MYBPC3: variants seen among roughly 807,000 people sequenced by gnomAD.
The protein encoded by MYBPC3 is myosin binding protein C3.
Under a neutral mutation model 159.3 loss-of-function variants are expected in MYBPC3, and 108 were observed. The observed-to-expected ratio is 0.68, with a 90% CI of 0.58 to 0.80. The LOEUF (loss-of-function observed/expected upper bound fraction) is 0.80, where lower values mean the gene tolerates loss of function less well. MYBPC3 is among the 30% of genes least tolerant of loss of function. The pLI, the probability that MYBPC3 is intolerant of heterozygous loss-of-function variation, is 0.00. For synonymous variants in MYBPC3, 730 were observed against 702.0 expected (o/e 1.04, Z -0.63); for missense variants, 1,631 against 1,762.1 (o/e 0.93, Z 1.33).
At chr11:47,345,659 C>A (rs2095893382) in intron 12 of MYBPC3, among the ~76,000 whole-genome samples, 1 of 152,178 alleles carries the variant, frequency 6.6e-6, no homozygotes, top group South Asian at 2.1e-4. Flanking sequence ...TATTCCTGGG[C>A]TCTCCTCTTT....
chr11:47,345,433 C>T (rs1213334975), intron 12 of MYBPC3, among the ~76,000 whole-genome samples: 1 of 152,132 alleles, frequency 6.6e-6, no homozygotes, highest in Non-Finnish European at 1.5e-5. Context: ...TCTCCCCGTC[C>T]CCATGATCGT....
Position 47,341,244 on chromosome 11 carries a change from C to G in MYBPC3, c.1791G>C (p.Arg597=), listed in dbSNP as rs772488845. 1.9e-6 allele frequency: 3 copies of G among 1,578,134 alleles called. No individual in the cohort carries two copies. The highest frequency in any genetic ancestry group is 2.7e-5 in the African/African-American group (2 of 74,098). Residue 597 remains arginine (R), a splice_region_variant and synonymous_variant, in exon 19 of 35, where the codon CGG becomes CGC. Coordinates refer to ENST00000545968, the MANE Select transcript of MYBPC3 (RefSeq NM_000256.3). ...CGTCGTCAATGGTCAGTTTGTGGAC[C>G]CTGCAGGGGAGCAGTGGCTCAGGGG... ...DSRIKVSHIG[R]VHKLTIDDVT...
chr11:47,341,910 T>G, intron 18 of MYBPC3, 81 bp downstream of exon 18: 1 of 1,515,026 alleles, frequency 6.6e-7, no homozygotes, highest in Non-Finnish European at 8.9e-7. Flanking sequence ...TCTTTATCTC[T>G]CTCTCTCTGT....
chr11:47,339,247 CGCCAAG>C, intron 22 of MYBPC3, 71 bp downstream of exon 22: 1 of 1,529,812 alleles, frequency 6.5e-7, no homozygotes, highest in Non-Finnish European at 9.1e-7. Flanking sequence ...ATGGAGACCT[CGCCAAG>C]GGCTCGGCAC....
At chr11:47,337,285 C>G (rs1027574742) in intron 25 of MYBPC3, 106 bp downstream of exon 25, 100 of 1,221,368 alleles carry the variant, frequency 8.2e-5, no homozygotes, top group Non-Finnish European at 1.1e-4. Flanking sequence ...TGAAAGGAGA[C>G]TGTGGATGTG....
intron 12 of MYBPC3, among the ~76,000 whole-genome samples, chr11:47,345,499 G>A (rs1459971524): frequency 6.6e-6 from 1 of 152,176 alleles, no homozygotes; most frequent in Non-Finnish European, 1.5e-5. Context: ...CTGCATGGAA[G>A]CTGACCCCTC....
chr11:47,350,494 C>G lies in MYBPC3; in HGVS notation c.406+8G>C. ...GGATCCTGCCCCTCCCTGCCCAGCC[C>G]CTCTCACCTTTGGGACTTGGGGCAC... On this transcript the variant is annotated splice_region_variant and intron_variant, in intron 3 of 34. Coordinates refer to ENST00000545968, the MANE Select transcript of MYBPC3 (RefSeq NM_000256.3). The G allele has an allele frequency of 6.4e-7, 1 of 1,554,200 alleles. No individual in the cohort carries two copies. Among genetic ancestry groups the G allele is most frequent in the South Asian group, 1.2e-5 (1 of 83,988 alleles).
At chr11:47,349,624 G>C in intron 5 of MYBPC3, 150 bp downstream of exon 5, 1 of 1,179,288 alleles carries the variant, frequency 8.5e-7, no homozygotes, top group African/African-American at 1.5e-5. Flanking sequence ...GTGGGCCCCT[G>C]GCCCCTCCAC....
At position 47,335,073 on chromosome 11, in the gene MYBPC3, G is replaced by A. The variant is rs2095880915; in HGVS notation, c.2874C>T (p.Thr958=). The A allele has an allele frequency of 3.1e-6, 5 of 1,591,978 alleles. No homozygotes were observed. The South Asian group carries it at 4.5e-5, about 14-fold the overall frequency. ...TCTCCTGCACTGTCACCGGCTCCGT[G>A]GTGGTAACAGGGGCTCCAGGCCCTG... is the stretch of plus-strand genomic sequence containing the variant. ...NMAGPGAPVT[T]TEPVTVQEIL... The change falls in exon 27 of 35, where the codon ACC becomes ACT. Residue 958 remains threonine (T), a synonymous_variant. Transcript: ENST00000545968.
rs199998651 is a variant in MYBPC3, at chr11:47,341,375, CT to C, written c.1791-132del. The C allele has an allele frequency of 4.0e-4, 250 of 623,892 alleles. 1 individual carries two copies. The highest frequency in any genetic ancestry group is 1.8e-3 in the South Asian group (73 of 41,242). The allele number at this position is 623,892 out of a possible 1,614,324, so 38.6% of individuals were successfully genotyped here. A position where few individuals can be genotyped will look rare whatever the true frequency, so the allele number is the denominator to read the frequency against. On this transcript the variant is annotated intron_variant, in intron 18 of 34. Transcript: ENST00000545968. ...TTGGTATTCTGATTTTTAAAAATGC[CT>C]TTTTTTTTCTATATTATCTAATTTT... is the stretch of plus-strand genomic sequence containing the variant.
At position 47,337,718 on chromosome 11, in the gene MYBPC3, A is replaced by G; in HGVS notation, c.2385T>C (p.Pro795=). 1.3e-6 allele frequency: 2 copies of G among 1,569,920 alleles called. No individual in the cohort carries two copies. Among genetic ancestry groups the G allele is most frequent in the Non-Finnish European group, 1.7e-6 (2 of 1,157,448 alleles). ...EDSCTVQWEP[P]AYDGGQPILG... is the part of the protein sequence containing the mutation. The stretch of plus-strand genomic sequence containing the variant: ...GGATGGGCTGCCCGCCATCGTAGGC[A>G]GGCGGCTCCCACTGTACTGTGCAGG... The change falls in exon 24 of 35, where the codon CCT becomes CCC. Residue 795 remains proline (P), a synonymous_variant. Transcript: ENST00000545968.
rs1371324097 is a variant in MYBPC3 at position 47,351,075 on chromosome 11, G to C, written c.292+164C>G. On this transcript the variant is annotated intron_variant, in intron 2 of 34. Coordinates refer to ENST00000545968, the MANE Select transcript of MYBPC3 (RefSeq NM_000256.3). The surrounding 1 kb of genome is among the most constrained non-coding windows in gnomAD (Gnocchi z 4.2). ...ATGGCACATGGGGGTACTCAGAGAG[G>C]TCATGTGCAGAAAAGGGGGAAAGGG... Among the ~76,000 whole-genome samples, 1 of 152,212 alleles carries C rather than the reference G, an allele frequency of 6.6e-6. No homozygotes were observed. The highest frequency in any genetic ancestry group is 2.4e-5 in the African/African-American group (1 of 41,452).
At chr11:47,348,358 A>G in intron 6 of MYBPC3, 66 bp downstream of exon 6, 1 of 1,197,722 alleles carries the variant, frequency 8.3e-7, no homozygotes, top group Non-Finnish European at 1.2e-6. Flanking sequence ...AGTGTTGGGA[A>G]AAGGAGGTAG....
chr11:47,341,207 C>A lies in MYBPC3; in HGVS notation c.1828G>T (p.Asp610Tyr), dbSNP rs371564200. The A allele has an allele frequency of 1.3e-6, 2 of 1,599,100 alleles. No homozygotes were observed. Among genetic ancestry groups the A allele is most frequent in the Non-Finnish European group, 8.5e-7 (1 of 1,173,124 alleles). ...KLTIDDVTPA[D>Y]EADYSFVPEG... ...GGCACAAAGCTGTAGTCAGCCTCGTCGGCAGGTGTGACGTCGTCAATGGTC... is the reference window on the plus strand; with the variant it reads ...GGCACAAAGCTGTAGTCAGCCTCGTAGGCAGGTGTGACGTCGTCAATGGTC... The change falls in exon 19 of 35, where the codon GAC (aspartate) becomes TAC (tyrosine). Residue 610 changes from aspartate (D) to tyrosine (Y), a missense_variant. Coordinates refer to ENST00000545968, the MANE Select transcript of MYBPC3 (RefSeq NM_000256.3).
At chr11:47,350,328 T>C (rs987308453) in intron 3 of MYBPC3, among the ~76,000 whole-genome samples, 174 bp downstream of exon 3, 7 of 152,196 alleles carry the variant, frequency 4.6e-5, no homozygotes, top group African/African-American at 1.4e-4. Context: ...GGTTTCATCA[T>C]GTTAGCCAGG....
In MYBPC3 at chr11:47,348,541, C is replaced by A. The variant is rs397516068; in HGVS notation, c.655G>T (p.Val219Phe). 2 of 1,610,466 alleles carry A rather than the reference C, an allele frequency of 1.2e-6. No individual in the cohort carries two copies. The highest frequency in any genetic ancestry group is 8.5e-7 in the Non-Finnish European group (1 of 1,177,924). Reference sequence around the variant, plus strand: ...GTGATGTGCAGCTCGAACAGATAGACCTGTGTGCATGGAGGGACGGGGCGT... The same window carrying A: ...GTGATGTGCAGCTCGAACAGATAGAACTGTGTGCATGGAGGGACGGGGCGT... Reference protein sequence around the residue: ...LHDSYDRASKVYLFELHITDA... With the variant: ...LHDSYDRASKFYLFELHITDA... Residue 219 changes from valine to phenylalanine, a missense_variant and splice_region_variant, in exon 6 of 35, where the codon GTC becomes TTC. Val to Phe is a conservative substitution (Grantham distance 50). Transcript: ENST00000545968.
chr11:47,333,413 C>G, intron 29 of MYBPC3, 80 bp from the exon 30 acceptor site: 1 of 1,497,180 alleles, frequency 6.7e-7, no homozygotes, highest in Non-Finnish European at 8.9e-7. Flanking sequence ...ACCACCCCAC[C>G]CCTGCCAACC....
At position 47,341,236 on chromosome 11, in the gene MYBPC3, T is replaced by C. The variant is rs2142859413; in HGVS notation, c.1799A>G (p.Lys600Arg). Reference sequence around the variant, plus strand: ...AGGTGTGACGTCGTCAATGGTCAGTTTGTGGACCCTGCAGGGGAGCAGTGG... The same window carrying C: ...AGGTGTGACGTCGTCAATGGTCAGTCTGTGGACCCTGCAGGGGAGCAGTGG... ...IKVSHIGRVH[K>R]LTIDDVTPAD... Residue 600 changes from lysine to arginine, a missense_variant, in exon 19 of 35, where the codon AAA (lysine) becomes AGA (arginine). Coordinates refer to ENST00000545968, the MANE Select transcript of MYBPC3 (RefSeq NM_000256.3). 6.3e-7 allele frequency: 1 copy of C among 1,585,964 alleles called. No individual in the cohort carries two copies. Among genetic ancestry groups the C allele is most frequent in the Non-Finnish European group, 8.6e-7 (1 of 1,166,118 alleles).
intron 5 of MYBPC3, among the ~76,000 whole-genome samples, chr11:47,348,927 T>TATATATATATA (rs1555123220): frequency 2.1e-4 from 26 of 126,238 alleles, no homozygotes; most frequent in East Asian, 4.8e-4. Context: ...TATATATATA[T>TATATATATATA]TTAAAGGAGG....
Sources: allele counts gnomAD v4.1 joint callset (sites outside exome capture counted in the v4.1 genomes callset), GRCh38; gene constraint gnomAD v4.1.1; non-coding constraint Gnocchi (gnomAD v3.1); transcripts MANE v1.5; gene names NCBI Gene and HGNC (gene_info 2026-07-23, HGNC 2026-07-21).